Variants in INTS9 observed in about 807,000 individuals in gnomAD.
INTS9 encodes integrator complex subunit 9.
INTS9 carries 55 observed loss-of-function variants against 79.7 expected under a neutral mutation model. The ratio of observed to expected loss-of-function variants is 0.69; its 90% confidence interval spans 0.56 to 0.86. The LOEUF (loss-of-function observed/expected upper bound fraction) is 0.86. INTS9 is among the 40% of genes least tolerant of loss of function. The probability of loss-of-function intolerance (pLI) is 0.00; values close to 1 mark genes in which losing one functional copy is unlikely to be tolerated. For missense variants in INTS9, 721 were observed against 831.5 expected, an observed-to-expected ratio of 0.87 and a Z score of 1.64; for synonymous variants, 319 against 325.2, an observed-to-expected ratio of 0.98 and a Z score of 0.20.
At chr8:28,870,154 CTGTT>C (rs898284680) in intron 1 of INTS9, among the ~76,000 whole-genome samples, 5 of 151,968 alleles carry the variant, frequency 3.3e-5, no homozygotes, top group African/African-American at 9.7e-5. Context: ...ATATATGTGA[CTGTT>C]TGTTACATAT....
At chr8:28,846,554 C>A (rs375755851) in intron 4 of INTS9, among the ~76,000 whole-genome samples, 193 bp downstream of exon 4, 2 of 152,004 alleles carry the variant, frequency 1.3e-5, no homozygotes, top group Non-Finnish European at 2.9e-5. Context: ...AAGAGAGTGA[C>A]GTAAATGATT....
chr8:28,782,162 T>C (rs1803304619), intron 11 of INTS9, among the ~76,000 whole-genome samples: 2 of 152,266 alleles, frequency 1.3e-5, no homozygotes, highest in South Asian at 2.1e-4. Context: ...GTCAAGTCTT[T>C]CTGGTAATAC....
intron 1 of INTS9, among the ~76,000 whole-genome samples, chr8:28,874,948 T>C (rs1809297555): frequency 6.6e-6 from 1 of 152,150 alleles, no homozygotes. Flanking sequence ...GGTCTCACAA[T>C]CATTACATAA....
Position 28,775,888 on chromosome 8 carries a change from C to T in INTS9, c.1434G>A (p.Pro478=), listed in dbSNP as rs1349387231. 20 of 1,605,464 alleles carry T rather than the reference C, an allele frequency of 1.2e-5. No homozygotes were observed. Among genetic ancestry groups the T allele is most frequent in the South Asian group, 3.3e-5 (3 of 89,624 alleles). ...CCATCCTGTGGGACTGGGCTGGGGG[C>T]GGCTGAGTGTACTGCTCAGGACACA... is the stretch of plus-strand genomic sequence containing the variant. ...HVVCPEQYTQ[P]PPAQSHRMDL... Residue 478 remains proline (P), a synonymous_variant, in exon 14 of 17, where the codon CCG becomes CCA. Coordinates refer to ENST00000521022, the MANE Select transcript of INTS9 (RefSeq NM_018250.4).
chr8:28,839,984 TAC>T (rs1807069058), intron 4 of INTS9, among the ~76,000 whole-genome samples: 1 of 141,482 alleles, frequency 7.1e-6, no homozygotes, highest in Admixed American at 7.1e-5. Context: ...CAAAAGAAAC[TAC>T]CATCAGAGTG....
intron 8 of INTS9, chr8:28,810,174 A>G (rs1805028317): frequency 6.6e-6 from 1 of 152,490 alleles, no homozygotes; most frequent in East Asian, 1.9e-4. Context: ...ACAGAGTGAC[A>G]TGGTACAAGA....
intron 9 of INTS9, among the ~76,000 whole-genome samples, chr8:28,796,003 T>C (rs1054477669): frequency 9.2e-5 from 14 of 152,180 alleles, no homozygotes; most frequent in African/African-American, 3.1e-4. Context: ...AACCAAATAT[T>C]AGTGGGGAAA....
At chr8:28,866,263 G>A (rs1808739091) in intron 1 of INTS9, among the ~76,000 whole-genome samples, 1 of 152,092 alleles carries the variant, frequency 6.6e-6, no homozygotes. Flanking sequence ...AACTCATGGT[G>A]GATTTCAGAT....
chr8:28,871,770 G>C (rs1244896028), intron 1 of INTS9, among the ~76,000 whole-genome samples: 1 of 152,082 alleles, frequency 6.6e-6, no homozygotes, highest in Non-Finnish European at 1.5e-5. Context: ...TGATAGACTA[G>C]ATTACTTATA....
chr8:28,794,089 G>A (rs1396752771), intron 9 of INTS9, 102 bp from the exon 10 acceptor site: 1 of 965,150 alleles, frequency 1.0e-6, no homozygotes, highest in African/African-American at 1.6e-5. Context: ...TCCTACTTCT[G>A]TTTTTATGAT....
chr8:28,775,011 A>T (rs1271672072), intron 14 of INTS9, among the ~76,000 whole-genome samples: 1 of 152,254 alleles, frequency 6.6e-6, no homozygotes, highest in Non-Finnish European at 1.5e-5. Context: ...AGTATGCTCA[A>T]GAGGATATAA....
chr8:28,879,660 T>C (rs1809588202), intron 1 of INTS9, among the ~76,000 whole-genome samples: 1 of 152,004 alleles, frequency 6.6e-6, no homozygotes, highest in South Asian at 2.1e-4. Flanking sequence ...GCAGAAACAA[T>C]TCAAATGTCC....
intron 10 of INTS9, among the ~76,000 whole-genome samples, chr8:28,788,137 T>A (rs1224716505): frequency 6.6e-6 from 1 of 152,224 alleles, no homozygotes; most frequent in Non-Finnish European, 1.5e-5. Context: ...TAATTTTAGA[T>A]TTAAAGAAAA....
intron 1 of INTS9, among the ~76,000 whole-genome samples, chr8:28,867,524 C>A (rs1185774149): frequency 1.4e-5 from 2 of 141,768 alleles, no homozygotes; most frequent in Non-Finnish European, 1.5e-5. Flanking sequence ...TTGCAGTGAG[C>A]TGAGATTAAA....
chr8:28,776,984 A>T (rs1303270835), intron 13 of INTS9, among the ~76,000 whole-genome samples: 1 of 152,116 alleles, frequency 6.6e-6, no homozygotes, highest in Non-Finnish European at 1.5e-5. Context: ...CTCTCATCAT[A>T]CCTAGAGAGT....
Position 28,806,795 on chromosome 8 carries a change from C to T in INTS9, c.744+5532G>A, listed in dbSNP as rs144019021. The stretch of plus-strand genomic sequence containing the variant: ...AACCTTTGGTTATTTAAATCATGAA[C>T]ATTATAGAGAAAATTATGACATACT... On this transcript the variant is annotated intron_variant, in intron 8 of 16. Transcript: ENST00000521022. Among the ~76,000 whole-genome samples, 4 of 152,194 alleles carry T rather than the reference C, an allele frequency of 2.6e-5. No homozygotes were observed. In the East Asian group the frequency reaches 7.7e-4, roughly 29 times the overall value.
rs555488599 is a variant in INTS9 at position 28,831,848 on chromosome 8, A to G, written c.488+3444T>C. The stretch of plus-strand genomic sequence containing the variant: ...TGAGTAGCTGGAACTACAGGTGCCC[A>G]CCACTACGCCTGGCTAATTTTTTTT... On this transcript the variant is annotated intron_variant, in intron 6 of 16. Coordinates refer to ENST00000521022, the MANE Select transcript of INTS9 (RefSeq NM_018250.4). Among the ~76,000 whole-genome samples, 15 of 152,046 alleles carry G rather than the reference A, an allele frequency of 9.9e-5. No homozygotes were observed. In the East Asian group the frequency reaches 2.9e-3, roughly 29 times the overall value.
chr8:28,791,789 T>C lies in INTS9; in HGVS notation c.1037+2018A>G, dbSNP rs150292008. ...GTTTATGGATTTAAGCAAATAGAAC[T>C]ATCGATGGAAACAAGAATAATATGA... On this transcript the variant is annotated intron_variant, in intron 10 of 16. Transcript: ENST00000521022. Among the ~76,000 whole-genome samples the C allele has an allele frequency of 3.2e-3, 488 of 152,304 alleles. 3 individuals are homozygous for C. The highest frequency in any genetic ancestry group is 4.6e-3 in the Non-Finnish European group (312 of 68,026).
intron 4 of INTS9, among the ~76,000 whole-genome samples, chr8:28,841,797 G>T (rs1445318629): frequency 6.6e-6 from 1 of 152,162 alleles, no homozygotes; most frequent in African/African-American, 2.4e-5. Flanking sequence ...TTAAGAAAAT[G>T]ATAAGGAGCC....
Sources: gnomAD v4.1 joint callset for allele counts (sites outside exome capture counted in the v4.1 genomes callset) on GRCh38, gnomAD v4.1.1 for gene constraint, MANE v1.5 for transcripts, NCBI Gene and HGNC (gene_info 2026-07-23, HGNC 2026-07-21) for gene names.